RXRG: variants seen among roughly 807,000 people sequenced by gnomAD.
RXRG encodes the protein retinoic acid receptor RXR-gamma.
In RXRG, 19 loss-of-function variants were observed where a neutral mutation model predicts 49.2. That is an observed-to-expected ratio of 0.39 (90% confidence interval 0.27 to 0.57). RXRG has a LOEUF of 0.57. RXRG is among the 20% of genes least tolerant of loss of function. RXRG has a pLI of 0.64. For synonymous variants in RXRG, 224 were observed against 216.6 expected, an observed-to-expected ratio of 1.03 and a Z score of -0.30; for missense variants, 452 against 592.5, an observed-to-expected ratio of 0.76 and a Z score of 2.46.
In RXRG at chr1:165,428,846, C is replaced by G; in HGVS notation, c.170G>C (p.Ser57Thr). The G allele has an allele frequency of 6.2e-7, 1 of 1,614,168 alleles. No homozygotes were observed. The highest frequency in any genetic ancestry group is 8.5e-7 in the Non-Finnish European group (1 of 1,180,014). Residue 57 changes from serine (S) to threonine (T), a missense_variant, in exon 2 of 10, where the codon AGT becomes ACT. Around this residue, in one of 2 missense-constraint regions of RXRG, gnomAD observed 166 missense variants for 151.7 expected, o/e 1.09. Coordinates refer to ENST00000359842, the MANE Select transcript of RXRG (RefSeq NM_006917.5). ...GGCATTGAGGGGGGTCCCCACTGCA[C>G]TCAGAGTCCGTGGGGCACTCACTGG... ...DTPVSAPRTL[S>T]AVGTPLNALG...
intron 2 of RXRG, among the ~76,000 whole-genome samples, chr1:165,428,302 T>C (rs1658556826): frequency 6.6e-6 from 1 of 152,224 alleles, no homozygotes; most frequent in African/African-American, 2.4e-5. Flanking sequence ...CTCCTCTCAT[T>C]TGTAAGCTCC....
chr1:165,402,396 AATTTTTATGATCAACTT>A (rs1302967097), intron 9 of RXRG, among the ~76,000 whole-genome samples: 1 of 151,996 alleles, frequency 6.6e-6, no homozygotes, highest in Non-Finnish European at 1.5e-5. Context: ...AATTGTTACC[AATTTTTATGATCAACTT>A]ATTAGTCTAT....
intron 4 of RXRG, 48 bp from the exon 5 acceptor site, chr1:165,411,157 C>G: frequency 6.3e-7 from 1 of 1,581,766 alleles, no homozygotes; most frequent in South Asian, 1.2e-5. Context: ...CCCAGGACAA[C>G]AGTGGGAAAG....
chr1:165,437,272 T>C (rs1658845138), intron 1 of RXRG: 1 of 1,331,038 alleles, frequency 7.5e-7, no homozygotes, highest in Admixed American at 2.0e-5. Context: ...GTATATGGGC[T>C]GTGTAAGACA....
At chr1:165,408,433 A>G (rs1657828193) in intron 7 of RXRG, 115 bp from the exon 8 acceptor site, 2 of 725,246 alleles carry the variant, frequency 2.8e-6, no homozygotes, top group African/African-American at 3.5e-5. Flanking sequence ...ATGATGTACC[A>G]GTTACTAGGG....
chr1:165,401,182 G>A lies in RXRG; in HGVS notation c.*81C>T, dbSNP rs1657552063. 2.2e-6 allele frequency: 3 copies of A among 1,355,780 alleles called. No individual in the cohort carries two copies. The allele number at this position is 1,355,780 out of a possible 1,614,324, so 84.0% of individuals were successfully genotyped here. ...GGACAGGAAGGGGGTCAGGGTGGGA[G>A]GTGGAGGAAAGTGCAGGGTGGGGGT... On this transcript the variant is annotated 3_prime_UTR_variant, in exon 10 of 10. Transcript: ENST00000359842.
At chr1:165,442,083 C>T (rs1659025040) in intron 1 of RXRG, among the ~76,000 whole-genome samples, 1 of 152,172 alleles carries the variant, frequency 6.6e-6, no homozygotes, top group African/African-American at 2.4e-5. Flanking sequence ...CTCTGTAATT[C>T]CATGTGCTAA....
chr1:165,434,175 T>C (rs996527987), intron 1 of RXRG, among the ~76,000 whole-genome samples: 7 of 152,206 alleles, frequency 4.6e-5, no homozygotes, highest in African/African-American at 1.7e-4. Flanking sequence ...AATTAATGTA[T>C]ACAAGTAGGT....
chr1:165,400,994 C>T lies in RXRG; in HGVS notation c.*269G>A. 1.2e-5 allele frequency: 4 copies of T among 338,674 alleles called. No homozygotes were observed. Among genetic ancestry groups the T allele is most frequent in the Admixed American group, 4.8e-5 (1 of 20,908 alleles). The allele number at this position is 338,674 out of a possible 1,614,324, so 21.0% of individuals were successfully genotyped here. On this transcript the variant is annotated 3_prime_UTR_variant, in exon 10 of 10. Coordinates refer to ENST00000359842, the MANE Select transcript of RXRG (RefSeq NM_006917.5). ...GGGCAAGTGAAAAAATAATTTAAAC[C>T]AATTGTATGTACAGAGGCTTGATTA... is the stretch of plus-strand genomic sequence containing the variant.
intron 1 of RXRG, among the ~76,000 whole-genome samples, chr1:165,431,756 A>C (rs1658680433): frequency 6.6e-6 from 1 of 152,176 alleles, no homozygotes; most frequent in Non-Finnish European, 1.5e-5. Context: ...CTTCACACTC[A>C]TCACCCCAAG....
chr1:165,434,005 T>C (rs1160328900), intron 1 of RXRG, among the ~76,000 whole-genome samples: 1 of 151,874 alleles, frequency 6.6e-6, no homozygotes, highest in Admixed American at 6.6e-5. Context: ...GAAGTCAGAG[T>C]TCTAGGTTGA....
At chr1:165,433,953 A>G (rs1260821313) in intron 1 of RXRG, among the ~76,000 whole-genome samples, 1 of 152,222 alleles carries the variant, frequency 6.6e-6, no homozygotes, top group Non-Finnish European at 1.5e-5. Flanking sequence ...TGATGGCACT[A>G]TGGCTTCAGG....
intron 1 of RXRG, among the ~76,000 whole-genome samples, chr1:165,434,012 T>C (rs900694037): frequency 7.2e-5 from 11 of 152,082 alleles, no homozygotes; most frequent in East Asian, 1.9e-4. Context: ...GAGTTCTAGG[T>C]TGAGGTTCTG....
At position 165,428,235 on chromosome 1, in the gene RXRG, AGCATGTAAT is replaced by A. The variant is rs572558060; in HGVS notation, c.297+475_297+483del. 8.5e-5 allele frequency among the ~76,000 whole-genome samples: 13 copies of A among 152,360 alleles called. No homozygotes were observed. The South Asian group carries it at 2.7e-3, about 32-fold the overall frequency. The stretch of plus-strand genomic sequence containing the variant: ...CCTCCCATAGTCTCAGAGACAGCAT[AGCATGTAAT>A]GCAGTCTGCCTTGTTCTCAACTTAT... On this transcript the variant is annotated intron_variant, in intron 2 of 9. Coordinates refer to ENST00000359842, the MANE Select transcript of RXRG (RefSeq NM_006917.5).
At chr1:165,402,376 G>A (rs916673572) in intron 9 of RXRG, among the ~76,000 whole-genome samples, 6 of 152,142 alleles carry the variant, frequency 3.9e-5, no homozygotes, top group Admixed American at 3.3e-4. Context: ...GTGAGCCACC[G>A]CACCCGGCCA....
At chr1:165,437,575 G>C (rs958854759) in intron 1 of RXRG, among the ~76,000 whole-genome samples, 2 of 152,106 alleles carry the variant, frequency 1.3e-5, no homozygotes, top group African/African-American at 4.8e-5. Context: ...GAGCCTATCT[G>C]AACAAGAAAT....
At chr1:165,443,772 G>T (rs532681547) in intron 1 of RXRG, among the ~76,000 whole-genome samples, 1 of 152,204 alleles carries the variant, frequency 6.6e-6, no homozygotes, top group African/African-American at 2.4e-5. Flanking sequence ...CTCCCAGGGG[G>T]TTCTGCCCAG....
At chr1:165,430,690 G>T (rs1391485762) in intron 1 of RXRG, among the ~76,000 whole-genome samples, 19 of 152,234 alleles carry the variant, frequency 1.2e-4, no homozygotes, top group Non-Finnish European at 1.2e-4. Context: ...CAGGGGCATG[G>T]CAAAGTGGTT....
At chr1:165,436,847 ACAG>A in intron 1 of RXRG, 2 of 929,124 alleles carry the variant, frequency 2.2e-6, no homozygotes, top group Admixed American at 1.0e-4. Flanking sequence ...GAAGTGGGGG[ACAG>A]CAAGAGTTTC....
Sources: gnomAD v4.1 joint callset for allele counts (sites outside exome capture counted in the v4.1 genomes callset) on GRCh38, gnomAD v4.1.1 for gene constraint, gnomAD v4.1.1 regional missense constraint, MANE v1.5 for transcripts, NCBI Gene and HGNC (gene_info 2026-07-23, HGNC 2026-07-21) for gene names.